The following WWOX variants were observed in gnomAD, a reference collection of about 807,000 sequenced individuals.
WWOX encodes WW domain containing oxidoreductase, also known as WW domain-containing oxidoreductase.
A neutral mutation model predicts 46.2 loss-of-function variants in WWOX; 69 were observed. The ratio of observed to expected loss-of-function variants is 1.49; its 90% confidence interval spans 1.23 to 1.82. The LOEUF (loss-of-function observed/expected upper bound fraction) is 1.82. Among genes scored for constraint, WWOX ranks in the 40% most tolerant of loss-of-function variants. The pLI is 0.00. For missense variants in WWOX, 919 were observed against 542.6 expected, an observed-to-expected ratio of 1.69 and a Z score of -6.89; for synonymous variants, 359 against 202.6, an observed-to-expected ratio of 1.77 and a Z score of -6.56.
chr16:78,414,997 C>G (rs981508449), intron 6 of WWOX, among the ~76,000 whole-genome samples: 8 of 151,330 alleles, frequency 5.3e-5, no homozygotes, highest in African/African-American at 1.9e-4. Flanking sequence ...AATGGCTACT[C>G]CATAGGCAGA....
chr16:78,487,889 C>G (rs1287826122), intron 8 of WWOX, among the ~76,000 whole-genome samples: 1 of 152,104 alleles, frequency 6.6e-6, no homozygotes, highest in Non-Finnish European at 1.5e-5. Context: ...CCTTATGTCA[C>G]CAAATTAATG....
At chr16:78,784,222 A>G (rs944531742) in intron 8 of WWOX, among the ~76,000 whole-genome samples, 6 of 152,162 alleles carry the variant, frequency 3.9e-5, no homozygotes, top group South Asian at 2.1e-4. Flanking sequence ...GGTAGATACT[A>G]TTATCCTCCT....
intron 8 of WWOX, among the ~76,000 whole-genome samples, chr16:78,587,691 G>C (rs182697803): frequency 9.9e-4 from 151 of 152,218 alleles, no homozygotes; most frequent in African/African-American, 3.5e-3. Flanking sequence ...AGATAGGGAG[G>C]TGCTTGATGG....
At chr16:78,846,898 C>T (rs1001124158) in intron 8 of WWOX, among the ~76,000 whole-genome samples, 11 of 152,250 alleles carry the variant, frequency 7.2e-5, no homozygotes, top group African/African-American at 2.6e-4. Context: ...TTCTTCTTCT[C>T]CATTTATATT....
chr16:78,382,932 A>C (rs996776957), intron 5 of WWOX, among the ~76,000 whole-genome samples: 1 of 151,878 alleles, frequency 6.6e-6, no homozygotes, highest in Admixed American at 6.6e-5. Flanking sequence ...TTCTGTGTTC[A>C]TGTTCTGCTT....
chr16:78,569,250 C>G (rs1282111669), intron 8 of WWOX, among the ~76,000 whole-genome samples: 2 of 152,132 alleles, frequency 1.3e-5, no homozygotes, highest in African/African-American at 4.8e-5. Context: ...CCTTGTCTCT[C>G]TATATTGTTA....
chr16:78,684,974 T>C (rs142471318), intron 8 of WWOX, among the ~76,000 whole-genome samples: 1 of 152,190 alleles, frequency 6.6e-6, no homozygotes, highest in Admixed American at 6.5e-5. Context: ...GTGGGCCTCT[T>C]TGGGGAGTGT....
intron 8 of WWOX, among the ~76,000 whole-genome samples, chr16:78,640,418 GC>G (rs1350732060): frequency 6.6e-6 from 1 of 151,998 alleles, no homozygotes; most frequent in Admixed American, 6.6e-5. Context: ...GGGCACAGGG[GC>G]AAGGTATAGG....
intron 4 of WWOX, chr16:78,145,948 C>T (rs2034184136): frequency 6.6e-6 from 1 of 152,194 alleles, no homozygotes; most frequent in Admixed American, 6.5e-5. Context: ...GATTCCTGAT[C>T]TGTTTCTCTT....
chr16:78,367,949 A>T (rs1200521514), intron 5 of WWOX, among the ~76,000 whole-genome samples: 1 of 151,792 alleles, frequency 6.6e-6, no homozygotes, highest in Non-Finnish European at 1.5e-5. Context: ...TGGAGACGGG[A>T]TTTCACCATG....
chr16:78,157,813 C>G (rs1030787820), intron 4 of WWOX, among the ~76,000 whole-genome samples: 2 of 152,108 alleles, frequency 1.3e-5, no homozygotes, highest in Non-Finnish European at 2.9e-5. Context: ...CATCTAGGAG[C>G]AAGTTTTAAT....
intron 5 of WWOX, among the ~76,000 whole-genome samples, chr16:78,206,918 C>T (rs960898298): frequency 6.6e-6 from 1 of 152,166 alleles, no homozygotes; most frequent in South Asian, 2.1e-4. Context: ...TGATACCTCT[C>T]CCTTACTGAT....
chr16:78,110,695 C>G (rs902643173), intron 3 of WWOX, among the ~76,000 whole-genome samples: 1 of 152,112 alleles, frequency 6.6e-6, no homozygotes, highest in African/African-American at 2.4e-5. Flanking sequence ...AGGCCTGATT[C>G]TAATCATCTT....
chr16:78,956,966 G>T (rs1161260555), intron 8 of WWOX, among the ~76,000 whole-genome samples: 2 of 152,180 alleles, frequency 1.3e-5, no homozygotes, highest in Non-Finnish European at 2.9e-5. Context: ...CCCAGTACGT[G>T]GGTATCTTCG....
chr16:79,083,668 G>A lies in WWOX; in HGVS notation c.1057-127940G>A, dbSNP rs1203249801. ...CGAAGGAAAACAAAGACAATTGCAC[G>A]GCACAGAGGGAATATACTGCTACGG... On this transcript the variant is annotated intron_variant, in intron 8 of 8. Transcript: ENST00000566780. Among the ~76,000 whole-genome samples the A allele has an allele frequency of 3.3e-5, 5 of 152,144 alleles. No homozygotes were observed. In the East Asian group the frequency reaches 5.8e-4, roughly 18 times the overall value.
chr16:78,235,147 A>G (rs1315893580), intron 5 of WWOX, among the ~76,000 whole-genome samples: 3 of 152,208 alleles, frequency 2.0e-5, no homozygotes, highest in Admixed American at 6.5e-5. Flanking sequence ...ATTATTATAA[A>G]ATATTTAGTA....
chr16:78,977,335 A>T (rs1006060334), intron 8 of WWOX, among the ~76,000 whole-genome samples: 1 of 152,172 alleles, frequency 6.6e-6, no homozygotes, highest in African/African-American at 2.4e-5. Flanking sequence ...GATCCTCCAG[A>T]GGCCTGAGAT....
intron 5 of WWOX, among the ~76,000 whole-genome samples, chr16:78,204,108 G>A (rs1285655973): frequency 6.6e-6 from 1 of 152,196 alleles, no homozygotes; most frequent in African/African-American, 2.4e-5. Flanking sequence ...GGGACAGTTT[G>A]TACTACCTGT....
At chr16:78,422,854 C>CATATATATATATAT (rs2082981810) in intron 6 of WWOX, among the ~76,000 whole-genome samples, 1 of 119,926 alleles carries the variant, frequency 8.3e-6, no homozygotes, top group African/African-American at 5.5e-5. Context: ...TACACACACA[C>CATATATATATATAT]ACACACACAC....
Sources: gnomAD v4.1 joint callset for allele counts (sites outside exome capture counted in the v4.1 genomes callset) on GRCh38, gnomAD v4.1.1 for gene constraint, MANE v1.5 for transcripts, NCBI Gene and HGNC (gene_info 2026-07-23, HGNC 2026-07-21) for gene names.